The following SKP1 variants were observed in gnomAD, a reference collection of about 807,000 sequenced individuals.
SKP1 encodes S-phase kinase associated protein 1.
In SKP1, 1 loss-of-function variant was observed where a neutral mutation model predicts 21.5. The observed-to-expected ratio is 0.05, with a 90% CI of 0.02 to 0.22. The LOEUF (loss-of-function observed/expected upper bound fraction) is 0.22. Among genes scored for constraint, SKP1 ranks in the 10% least tolerant of loss-of-function variants. The pLI, the probability that SKP1 is intolerant of heterozygous loss-of-function variation, is 1.00. For missense variants in SKP1, 70 were observed against 192.0 expected, an observed-to-expected ratio of 0.36 and a Z score of 3.76; for synonymous variants, 59 against 59.3, an observed-to-expected ratio of 0.99 and a Z score of 0.03.
chr5:134,173,646 G>T, intron 2 of SKP1: 1 of 495,770 alleles, frequency 2.0e-6, no homozygotes. Context: ...AAATTTACTT[G>T]AACAGAAATT....
rs1179586888 is a variant in SKP1 at position 134,156,071 on chromosome 5, C to T, written c.*1662G>A. 3 of 151,394 alleles carry T rather than the reference C, an allele frequency of 2.0e-5. No individual in the cohort carries two copies. Among genetic ancestry groups the T allele is most frequent in the Non-Finnish European group, 2.9e-5 (2 of 67,964 alleles). 9.4% of individuals were successfully genotyped at this position (151,394 alleles called of 1,614,324 possible). Reference sequence around the variant, plus strand: ...TTGTCCTCCCAAAATGTTGAGATTACAGGCATAAGCCACCATGCCCAGCTG... The same window carrying T: ...TTGTCCTCCCAAAATGTTGAGATTATAGGCATAAGCCACCATGCCCAGCTG... On this transcript the variant is annotated 3_prime_UTR_variant, in exon 6 of 6. Coordinates refer to ENST00000353411, the MANE Select transcript of SKP1 (RefSeq NM_170679.3).
intron 1 of SKP1, chr5:134,174,492 C>T (rs944419973): frequency 5.8e-5 from 57 of 987,294 alleles, no homozygotes; most frequent in Non-Finnish European, 6.8e-5. Context: ...CCAAAGAGTA[C>T]ATCAGAATAT....
In SKP1 at chr5:134,170,287, C is replaced by T. The variant is rs529085979; in HGVS notation, c.98-3044G>A. ...ATGTTGTCCAGGCTGGTTTTGAACT[C>T]TTGGGCTCAAGTAATCCTCTTTAAA... is the stretch of plus-strand genomic sequence containing the variant. On this transcript the variant is annotated intron_variant, in intron 2 of 5. Transcript: ENST00000353411. 1.1e-4 allele frequency among the ~76,000 whole-genome samples: 17 copies of T among 152,234 alleles called. No individual in the cohort carries two copies. The Middle Eastern group carries it at 0.017, about 152-fold the overall frequency.
chr5:134,155,470 A>C lies in SKP1; in HGVS notation c.*2263T>G, dbSNP rs779302225. ...TGAAAAATGGCTTATTTTCTCTTGGATCTCTATTAATGTAAAAGTTTAAGA... is the reference window on the plus strand; with the variant it reads ...TGAAAAATGGCTTATTTTCTCTTGGCTCTCTATTAATGTAAAAGTTTAAGA... On this transcript the variant is annotated 3_prime_UTR_variant, in exon 6 of 6. Transcript: ENST00000353411. 2.6e-5 allele frequency: 4 copies of C among 152,160 alleles called. No individual in the cohort carries two copies. Among genetic ancestry groups the C allele is most frequent in the Non-Finnish European group, 4.4e-5 (3 of 68,026 alleles). 9.4% of individuals were successfully genotyped at this position (152,160 alleles called of 1,614,324 possible).
At chr5:134,170,844 G>A in intron 2 of SKP1, 1 of 370,952 alleles carries the variant, frequency 2.7e-6, no homozygotes, top group East Asian at 7.2e-5. Context: ...ACAGATTAGT[G>A]TGTCAGGCAC....
chr5:134,153,383 A>AG lies in SKP1; in HGVS notation c.*4349dup, dbSNP rs2149371689. 6.6e-6 allele frequency: 1 copy of AG among 152,592 alleles called. No individual in the cohort carries two copies. The highest frequency in any genetic ancestry group is 1.9e-4 in the East Asian group (1 of 5,194). The allele number at this position is 152,592 out of a possible 1,614,324, so 9.5% of individuals were successfully genotyped here. Reference sequence around the variant, plus strand: ...GTAGTCCTAGCTATTCAGGAGGCTGAGGCAGGAGGACTGTTGGAGCCCAAG... The same window carrying AG: ...GTAGTCCTAGCTATTCAGGAGGCTGAGGGCAGGAGGACTGTTGGAGCCCAAG... On this transcript the variant is annotated 3_prime_UTR_variant, in exon 6 of 6. Coordinates refer to ENST00000353411, the MANE Select transcript of SKP1 (RefSeq NM_170679.3).
intron 2 of SKP1, among the ~76,000 whole-genome samples, chr5:134,169,298 CT>C (rs1761394139): frequency 6.6e-6 from 1 of 152,204 alleles, no homozygotes; most frequent in African/African-American, 2.4e-5. Context: ...CTCATCTCCC[CT>C]CTCTTCTCCC....
intron 1 of SKP1, chr5:134,176,521 G>A (rs374727873): frequency 2.0e-5 from 3 of 152,436 alleles, no homozygotes; most frequent in South Asian, 2.1e-4. Flanking sequence ...GACCAAGAGA[G>A]GCCCCCGGCC....
At chr5:134,171,168 A>G (rs1761432520) in intron 2 of SKP1, 1 of 371,150 alleles carries the variant, frequency 2.7e-6, no homozygotes, top group African/African-American at 2.1e-5. Flanking sequence ...CAGAAAACAG[A>G]AGTCACCCAC....
Position 134,149,540 on chromosome 5 carries a change from A to C in SKP1, c.*8193T>G, listed in dbSNP as rs868043140. 3.3e-5 allele frequency: 5 copies of C among 152,162 alleles called. No individual in the cohort carries two copies. Among genetic ancestry groups the C allele is most frequent in the African/African-American group, 1.2e-4 (5 of 41,416 alleles). The allele number at this position is 152,162 out of a possible 1,614,324, so 9.4% of individuals were successfully genotyped here. On this transcript the variant is annotated 3_prime_UTR_variant, in exon 6 of 6. Transcript: ENST00000353411. Reference sequence around the variant, plus strand: ...TTTTGGATTTTGTGTTTAAAGTATAAAGTCATTTTCCAGAACAGCGTCTAT... The same window carrying C: ...TTTTGGATTTTGTGTTTAAAGTATACAGTCATTTTCCAGAACAGCGTCTAT...
chr5:134,172,329 C>T (rs1761457352), intron 2 of SKP1, among the ~76,000 whole-genome samples: 1 of 151,906 alleles, frequency 6.6e-6, no homozygotes, highest in Non-Finnish European at 1.5e-5. Flanking sequence ...TTATAATCTA[C>T]TGATCTTTCC....
intron 2 of SKP1, among the ~76,000 whole-genome samples, chr5:134,167,758 T>C (rs547734159): frequency 6.6e-6 from 1 of 152,112 alleles, no homozygotes; most frequent in Non-Finnish European, 1.5e-5. Flanking sequence ...TCTCCTGACC[T>C]CGTGATCTAC....
rs1267021557 is a variant in SKP1, at chr5:134,152,847, ATTTT to A, written c.*4882_*4885del. ...GAGCCACCGTGCCCAGCCCAGGAACATTTTTATTAGAGTTATCCACTCCCTCCCA... is the reference window on the plus strand; with the variant it reads ...GAGCCACCGTGCCCAGCCCAGGAACATATTAGAGTTATCCACTCCCTCCCA... On this transcript the variant is annotated 3_prime_UTR_variant, in exon 6 of 6. Transcript: ENST00000353411. 6.6e-6 allele frequency: 1 copy of A among 152,350 alleles called. No homozygotes were observed. Among genetic ancestry groups the A allele is most frequent in the African/African-American group, 2.4e-5 (1 of 41,446 alleles). The allele number at this position is 152,350 out of a possible 1,614,324, so 9.4% of individuals were successfully genotyped here.
chr5:134,158,399 G>A, intron 5 of SKP1, 56 bp downstream of exon 5: 2 of 1,613,258 alleles, frequency 1.2e-6, no homozygotes, highest in Non-Finnish European at 1.7e-6. Context: ...GCATGTTATA[G>A]GTGTTACTCC....
rs776991730 is a variant in SKP1 at position 134,174,072 on chromosome 5, T to C, written c.1-50A>G. 9.7e-6 allele frequency: 11 copies of C among 1,136,610 alleles called. No homozygotes were observed. In the Admixed American group the frequency reaches 1.4e-4, roughly 14 times the overall value. 70.4% of individuals were successfully genotyped at this position (1,136,610 alleles called of 1,614,324 possible). ...AAAATTTAAGAGAGAGAGTTCTACA[T>C]GACATTTCATCAACTACAGTCCATC... On this transcript the variant is annotated intron_variant, in intron 1 of 5. Coordinates refer to ENST00000353411, the MANE Select transcript of SKP1 (RefSeq NM_170679.3).
At position 134,157,728 on chromosome 5, in the gene SKP1, A is replaced by T; in HGVS notation, c.*5T>A. 1 of 1,610,516 alleles carries T rather than the reference A, an allele frequency of 6.2e-7. No homozygotes were observed. Among genetic ancestry groups the T allele is most frequent in the Non-Finnish European group, 8.5e-7 (1 of 1,176,852 alleles). On this transcript the variant is annotated 3_prime_UTR_variant, in exon 6 of 6. Transcript: ENST00000353411. ...TTACAGTGTTACAGTGTCAGGCACA[A>T]CATTTCACTTCTCTTCACACCACTG...
intron 5 of SKP1, chr5:134,158,028 T>C: frequency 6.8e-7 from 1 of 1,481,376 alleles, no homozygotes; most frequent in Non-Finnish European, 9.0e-7. Flanking sequence ...TTCAGTTAAT[T>C]CATTCACATT....
chr5:134,166,881 T>C (rs368948141), intron 3 of SKP1, among the ~76,000 whole-genome samples: 19 of 152,328 alleles, frequency 1.2e-4, no homozygotes, highest in African/African-American at 4.3e-4. Flanking sequence ...GATCCAGATA[T>C]TCTACATGTA....
intron 3 of SKP1, among the ~76,000 whole-genome samples, chr5:134,166,827 AT>A (rs902287770): frequency 2.8e-4 from 42 of 152,296 alleles, no homozygotes; most frequent in African/African-American, 9.4e-4. Flanking sequence ...ACAGAAGACT[AT>A]TTAACAGTAT....
Sources: allele counts gnomAD v4.1 joint callset (sites outside exome capture counted in the v4.1 genomes callset), GRCh38; gene constraint gnomAD v4.1.1; transcripts MANE v1.5; gene names NCBI Gene and HGNC (gene_info 2026-07-23, HGNC 2026-07-21).